UBE2V2: variants seen among roughly 807,000 people sequenced by gnomAD.
The protein encoded by UBE2V2 is ubiquitin conjugating enzyme E2 V2.
A neutral mutation model predicts 17.2 loss-of-function variants in UBE2V2; 9 were observed. That is an observed-to-expected ratio of 0.52 (90% CI 0.32 to 0.91). UBE2V2 has a LOEUF of 0.91. UBE2V2 is among the 40% of genes least tolerant of loss of function. The pLI, the probability that UBE2V2 is intolerant of heterozygous loss-of-function variation, is 0.04. For synonymous variants in UBE2V2, 61 were observed against 57.5 expected (o/e 1.06, Z -0.28); for missense variants, 133 against 182.6 (o/e 0.73, Z 1.56).
At chr8:48,046,269 T>C (rs375198602) in intron 2 of UBE2V2, among the ~76,000 whole-genome samples, 1 of 152,122 alleles carries the variant, frequency 6.6e-6, no homozygotes, top group Non-Finnish European at 1.5e-5. Context: ...CAGGGGCCTG[T>C]CACCACGCCC....
chr8:48,044,527 A>G (rs1263077192), intron 2 of UBE2V2, among the ~76,000 whole-genome samples: 2 of 152,290 alleles, frequency 1.3e-5, no homozygotes, highest in African/African-American at 2.4e-5. Context: ...TGTGTGTTTT[A>G]TGTTGTTTTC....
chr8:48,038,310 A>G (rs2091438037), intron 1 of UBE2V2, among the ~76,000 whole-genome samples: 1 of 151,882 alleles, frequency 6.6e-6, no homozygotes, highest in Admixed American at 6.6e-5. Context: ...CCTGATTTTT[A>G]TTATTTGTAT....
At chr8:48,008,402 C>G, upstream of UBE2V2, 2 of 1,552,564 alleles carry the variant, frequency 1.3e-6, no homozygotes, top group Non-Finnish European at 1.7e-6. Flanking sequence ...CCGGAAGTGA[C>G]GCGCGACGGT....
At chr8:48,012,569 T>C (rs2091240279) in intron 1 of UBE2V2, among the ~76,000 whole-genome samples, 1 of 151,658 alleles carries the variant, frequency 6.6e-6, no homozygotes, top group African/African-American at 2.4e-5. Context: ...AAATACAAAA[T>C]TATCCGGGCG....
At position 48,063,996 on chromosome 8, in the gene UBE2V2, G is replaced by A. The variant is rs867297371; in HGVS notation, c.*3168G>A. ...TTTTCTTAATAGGTTTGGTGTGTGT[G>A]GCTTTGAATGGTTCTGCTGATGCAT... is the stretch of plus-strand genomic sequence containing the variant. On this transcript the variant is annotated 3_prime_UTR_variant, in exon 4 of 4. Transcript: ENST00000523111. The A allele has an allele frequency of 2.6e-5, 4 of 152,308 alleles. No homozygotes were observed. Among genetic ancestry groups the A allele is most frequent in the African/African-American group, 9.6e-5 (4 of 41,564 alleles). 9.4% of individuals were successfully genotyped at this position (152,308 alleles called of 1,614,324 possible).
chr8:48,010,779 C>T (rs1174991143), intron 1 of UBE2V2, among the ~76,000 whole-genome samples: 1 of 150,274 alleles, frequency 6.7e-6, no homozygotes, highest in Non-Finnish European at 1.5e-5. Flanking sequence ...CTCACTGCAA[C>T]TTCCACCTCC....
chr8:48,035,083 A>C, intron 1 of UBE2V2: 1 of 890,184 alleles, frequency 1.1e-6, no homozygotes, highest in Non-Finnish European at 1.3e-6. Context: ...AACTGGCCTT[A>C]GCATTGCTGC....
chr8:48,010,826 T>C (rs916881349), intron 1 of UBE2V2, among the ~76,000 whole-genome samples: 2 of 151,026 alleles, frequency 1.3e-5, no homozygotes, highest in Non-Finnish European at 2.9e-5. Flanking sequence ...GCCTCTTGAG[T>C]AGCTGGGATT....
At chr8:48,032,769 T>G (rs1310354932) in intron 1 of UBE2V2, among the ~76,000 whole-genome samples, 3 of 152,092 alleles carry the variant, frequency 2.0e-5, no homozygotes, top group African/African-American at 7.2e-5. Flanking sequence ...CCCCAGCATA[T>G]GCTTTGATGT....
At chr8:48,046,668 C>A (rs908633927) in intron 2 of UBE2V2, among the ~76,000 whole-genome samples, 1 of 152,184 alleles carries the variant, frequency 6.6e-6, no homozygotes, top group African/African-American at 2.4e-5. Flanking sequence ...GGCCCGATCA[C>A]ACCTCACAGC....
At chr8:48,040,385 C>T (rs1266699134) in intron 1 of UBE2V2, among the ~76,000 whole-genome samples, 1 of 152,074 alleles carries the variant, frequency 6.6e-6, no homozygotes, top group Non-Finnish European at 1.5e-5. Flanking sequence ...TTCTTTAAAG[C>T]AAAATAATGA....
At chr8:48,008,402 C>T (rs1424979805), upstream of UBE2V2, 2 of 1,552,564 alleles carry the variant, frequency 1.3e-6, no homozygotes, top group Non-Finnish European at 1.7e-6. Flanking sequence ...CCGGAAGTGA[C>T]GCGCGACGGT....
intron 3 of UBE2V2, among the ~76,000 whole-genome samples, chr8:48,050,702 AAAAG>A (rs1383882620): frequency 2.6e-5 from 4 of 152,092 alleles, no homozygotes; most frequent in African/African-American, 7.2e-5. Context: ...AAAAAAAAAA[AAAAG>A]AGATGATCAT....
rs535369587 is a variant in UBE2V2, at chr8:48,023,815, G to T, written c.16+15345G>T. On this transcript the variant is annotated intron_variant, in intron 1 of 3. Transcript: ENST00000523111. ...CACTTGAACCCAGGAGGCAGAGGTT[G>T]CATTGAGCCAAGATTGCGCCACTGT... 2.6e-5 allele frequency among the ~76,000 whole-genome samples: 4 copies of T among 152,224 alleles called. No homozygotes were observed. In the East Asian group the frequency reaches 7.8e-4, roughly 30 times the overall value.
chr8:48,037,966 GCTAA>G (rs2154507570), intron 1 of UBE2V2, among the ~76,000 whole-genome samples: 1 of 152,284 alleles, frequency 6.6e-6, no homozygotes, highest in African/African-American at 2.4e-5. Flanking sequence ...AGGCTGAATT[GCTAA>G]GGGTGCCCTT....
At chr8:48,024,654 T>TTTTATCCTACAATAAAA (rs2091327924) in intron 1 of UBE2V2, among the ~76,000 whole-genome samples, 1 of 152,082 alleles carries the variant, frequency 6.6e-6, no homozygotes, top group Non-Finnish European at 1.5e-5. Flanking sequence ...ATCCTACGTA[T>TTTTATCCTACAATAAAA]GCCTTGGTTG....
intron 1 of UBE2V2, among the ~76,000 whole-genome samples, chr8:48,017,163 A>G (rs1281046847): frequency 3.3e-5 from 5 of 150,872 alleles, no homozygotes; most frequent in African/African-American, 1.2e-4. Context: ...TTTTTTTTGC[A>G]TTTCTTTGAT....
At chr8:48,038,488 T>TC (rs1208848783) in intron 1 of UBE2V2, among the ~76,000 whole-genome samples, 1 of 151,856 alleles carries the variant, frequency 6.6e-6, no homozygotes, top group East Asian at 1.9e-4. Context: ...GCTAATTTTT[T>TC]TTTTTTTTGA....
chr8:48,047,667 C>T (rs2091508762), intron 2 of UBE2V2, among the ~76,000 whole-genome samples: 2 of 151,916 alleles, frequency 1.3e-5, no homozygotes, highest in Admixed American at 1.3e-4. Flanking sequence ...AGGTGATTCT[C>T]CTGCCTCAGC....
Sources: allele counts gnomAD v4.1 joint callset (sites outside exome capture counted in the v4.1 genomes callset), GRCh38; gene constraint gnomAD v4.1.1; transcripts MANE v1.5; gene names NCBI Gene and HGNC (gene_info 2026-07-23, HGNC 2026-07-21).